The following SGCG variants were observed in gnomAD, a reference collection of about 807,000 sequenced individuals.
SGCG encodes sarcoglycan gamma, also known as gamma-sarcoglycan.
Under a neutral mutation model 29.3 loss-of-function variants are expected in SGCG, and 26 were observed. That is an observed-to-expected ratio of 0.89 (90% confidence interval 0.65 to 1.23). The LOEUF (loss-of-function observed/expected upper bound fraction) is 1.23. Ranked by LOEUF, SGCG falls within the 50% of genes most tolerant of loss-of-function variation. The pLI, the probability that SGCG is intolerant of heterozygous loss-of-function variation, is 0.00. For missense variants in SGCG, 353 were observed against 356.0 expected (o/e 0.99, Z 0.07); for synonymous variants, 145 against 129.7 (o/e 1.12, Z -0.80).
chr13:23,162,672 A>C, the SGCG span, among the ~76,000 whole-genome samples: 155 of 151,006 alleles, frequency 1.0e-3, no homozygotes, highest in African/African-American at 3.4e-3. Context: ...CTCTGCTAAA[A>C]ATACAAAAAT....
intron 4 of SGCG, among the ~76,000 whole-genome samples, chr13:23,251,759 G>C (rs1159624179): frequency 6.6e-6 from 1 of 152,028 alleles, no homozygotes; most frequent in South Asian, 2.1e-4. Context: ...TAAGAATAAC[G>C]AAGATATATA....
chr13:23,175,428 A>G, the SGCG span, among the ~76,000 whole-genome samples: 11 of 152,200 alleles, frequency 7.2e-5, no homozygotes, highest in Non-Finnish European at 1.5e-4. Flanking sequence ...TGATTCTGAT[A>G]TGCACACATC....
At chr13:23,206,203 A>C (rs1877974777) in intron 2 of SGCG, among the ~76,000 whole-genome samples, 1 of 152,192 alleles carries the variant, frequency 6.6e-6, no homozygotes, top group Non-Finnish European at 1.5e-5. Context: ...CCCTCTTAAC[A>C]GATTTTAATT....
intron 3 of SGCG, among the ~76,000 whole-genome samples, chr13:23,237,725 G>C (rs1317709322): frequency 6.6e-6 from 1 of 151,666 alleles, no homozygotes; most frequent in Non-Finnish European, 1.5e-5. Flanking sequence ...AGACAGACTG[G>C]TAAGAGCCAA....
chr13:23,310,579 T>A (rs1882556425), intron 6 of SGCG, among the ~76,000 whole-genome samples: 1 of 152,188 alleles, frequency 6.6e-6, no homozygotes, highest in Non-Finnish European at 1.5e-5. Context: ...AGATTTTCTT[T>A]TAATGGGTTA....
chr13:23,279,283 C>T (rs766111662), intron 4 of SGCG, 76 bp from the exon 5 acceptor site: 106 of 1,354,032 alleles, frequency 7.8e-5, no homozygotes, highest in East Asian at 1.4e-4. Flanking sequence ...GTAGGGTTGA[C>T]GTGGCATGTG....
At chr13:23,300,732 G>A (rs1312323902) in intron 6 of SGCG, among the ~76,000 whole-genome samples, 4 of 144,610 alleles carry the variant, frequency 2.8e-5, no homozygotes, top group African/African-American at 1.0e-4. Context: ...AGAGAGAAAC[G>A]ACATTGAAGA....
intron 4 of SGCG, among the ~76,000 whole-genome samples, chr13:23,253,100 A>T (rs1437018591): frequency 6.6e-6 from 1 of 150,762 alleles, no homozygotes. Context: ...TTTTTTAAAA[A>T]GGCTGGGTCA....
At chr13:23,269,688 A>G (rs961155608) in intron 4 of SGCG, among the ~76,000 whole-genome samples, 2 of 152,064 alleles carry the variant, frequency 1.3e-5, no homozygotes, top group African/African-American at 2.4e-5. Context: ...ATTCATAAAC[A>G]TCTTCCTTAT....
intron 3 of SGCG, among the ~76,000 whole-genome samples, chr13:23,240,221 T>G (rs1879455260): frequency 6.6e-6 from 1 of 152,204 alleles, no homozygotes; most frequent in African/African-American, 2.4e-5. Context: ...GATAAATATT[T>G]TAGAGATACA....
At chr13:23,214,364 T>C (rs1010321834) in intron 2 of SGCG, among the ~76,000 whole-genome samples, 3 of 152,248 alleles carry the variant, frequency 2.0e-5, no homozygotes, top group Admixed American at 2.0e-4. Context: ...ATTGGCTTTC[T>C]GTGCAGCAAA....
At chr13:23,281,538 G>A (rs2137621252) in intron 5 of SGCG, among the ~76,000 whole-genome samples, 1 of 152,214 alleles carries the variant, frequency 6.6e-6, no homozygotes, top group South Asian at 2.1e-4. Context: ...TGAATCAGCA[G>A]GAGAAACAAC....
At chr13:23,227,661 C>G (rs2137536403) in intron 2 of SGCG, among the ~76,000 whole-genome samples, 1 of 152,232 alleles carries the variant, frequency 6.6e-6, no homozygotes, top group Non-Finnish European at 1.5e-5. Flanking sequence ...GTGAAAGAAG[C>G]CTATCTGGAA....
chr13:23,277,635 G>T (rs911780209), intron 4 of SGCG, among the ~76,000 whole-genome samples: 2 of 150,688 alleles, frequency 1.3e-5, no homozygotes, highest in African/African-American at 4.9e-5. Context: ...TATGAGAACT[G>T]TTAGGGTCAG....
intron 6 of SGCG, among the ~76,000 whole-genome samples, chr13:23,312,014 T>C (rs1161422051): frequency 6.6e-6 from 1 of 152,190 alleles, no homozygotes; most frequent in East Asian, 1.9e-4. Flanking sequence ...GTTTCCAAGG[T>C]TGCATCTGCC....
At chr13:23,240,063 G>C (rs1879449256) in intron 3 of SGCG, among the ~76,000 whole-genome samples, 1 of 152,112 alleles carries the variant, frequency 6.6e-6, no homozygotes, top group South Asian at 2.1e-4. Flanking sequence ...ATGCCATCTA[G>C]AAGAAACCTA....
At chr13:23,183,408 G>T (rs147726147) in intron 1 of SGCG, among the ~76,000 whole-genome samples, 10 of 152,238 alleles carry the variant, frequency 6.6e-5, no homozygotes, top group African/African-American at 2.2e-4. Flanking sequence ...CCCTAAGCAG[G>T]CAGGAGACTC....
intron 1 of SGCG, among the ~76,000 whole-genome samples, chr13:23,189,897 C>T (rs1877170259): frequency 6.6e-6 from 1 of 152,168 alleles, no homozygotes; most frequent in African/African-American, 2.4e-5. Flanking sequence ...CCTTCAGGCT[C>T]AGAGCTGCAC....
At chr13:23,301,970 C>T (rs1393229248) in intron 6 of SGCG, among the ~76,000 whole-genome samples, 1 of 151,922 alleles carries the variant, frequency 6.6e-6, no homozygotes, top group Non-Finnish European at 1.5e-5. Context: ...GTCAGTTTAG[C>T]AATGATGACC....
Sources: allele counts gnomAD v4.1 joint callset (sites outside exome capture counted in the v4.1 genomes callset), GRCh38; gene constraint gnomAD v4.1.1; transcripts MANE v1.5; gene names NCBI Gene and HGNC (gene_info 2026-07-23, HGNC 2026-07-21).